Variants in SYT2 observed in about 807,000 individuals in gnomAD.
SYT2 encodes the protein synaptotagmin 2, also known as synaptotagmin-2.
A neutral mutation model predicts 39.9 loss-of-function variants in SYT2; 15 were observed. The ratio of observed to expected loss-of-function variants is 0.38; its 90% CI spans 0.25 to 0.58. The LOEUF (loss-of-function observed/expected upper bound fraction) is 0.58. Ranked by LOEUF, SYT2 falls within the 20% of genes least tolerant of loss-of-function variation. The pLI, the probability that SYT2 is intolerant of heterozygous loss-of-function variation, is 0.70. For missense variants in SYT2, 389 were observed against 530.3 expected (o/e 0.73, Z 2.62); for synonymous variants, 181 against 204.5 (o/e 0.89, Z 0.98).
intron 1 of SYT2, among the ~76,000 whole-genome samples, chr1:202,631,462 GC>G (rs1691590006): frequency 6.6e-6 from 1 of 152,110 alleles, no homozygotes; most frequent in Non-Finnish European, 1.5e-5. Flanking sequence ...TTTTTTTCTA[GC>G]AGCTTCTTGG....
intron 1 of SYT2, among the ~76,000 whole-genome samples, chr1:202,668,744 C>T (rs890941698): frequency 1.3e-5 from 2 of 152,186 alleles, no homozygotes; most frequent in African/African-American, 4.8e-5. Context: ...CACCAAGGGA[C>T]AGAGCTGGGA....
At chr1:202,705,610 G>A (rs1558468185) in intron 1 of SYT2, among the ~76,000 whole-genome samples, 1 of 152,096 alleles carries the variant, frequency 6.6e-6, no homozygotes, top group African/African-American at 2.4e-5. Flanking sequence ...GGGGCTTTCA[G>A]AATCTAACCT....
intron 1 of SYT2, among the ~76,000 whole-genome samples, chr1:202,670,316 T>C (rs1384971718): frequency 1.3e-5 from 2 of 152,174 alleles, no homozygotes; most frequent in African/African-American, 4.8e-5. Flanking sequence ...AGCATGGGAT[T>C]GCAGGATCAT....
chr1:202,633,111 T>G (rs1257603829), intron 1 of SYT2, among the ~76,000 whole-genome samples: 1 of 152,226 alleles, frequency 6.6e-6, no homozygotes, highest in Non-Finnish European at 1.5e-5. Flanking sequence ...ATTTGCAGAA[T>G]GCAGTGAATG....
chr1:202,657,261 C>T (rs937807980), intron 1 of SYT2, among the ~76,000 whole-genome samples: 4 of 152,214 alleles, frequency 2.6e-5, no homozygotes, highest in Non-Finnish European at 2.9e-5. Flanking sequence ...ACAAGAGCCA[C>T]GTTCACCACG....
In SYT2 at chr1:202,696,511, T is replaced by C. The variant is rs899567896; in HGVS notation, c.-18+13747A>G. On this transcript the variant is annotated intron_variant, in intron 1 of 8. Coordinates refer to ENST00000367268, the MANE Select transcript of SYT2 (RefSeq NM_177402.5). ...AATTGTAATTAAATAAACAATCGCA[T>C]GATTATTTTAATGTCTTGCTTCCCT... is the stretch of plus-strand genomic sequence containing the variant. 3.9e-5 allele frequency among the ~76,000 whole-genome samples: 6 copies of C among 152,254 alleles called. No homozygotes were observed. The South Asian group carries it at 1.2e-3, about 32-fold the overall frequency.
chr1:202,676,094 C>T (rs568208215), intron 1 of SYT2, among the ~76,000 whole-genome samples: 1 of 152,340 alleles, frequency 6.6e-6, no homozygotes, highest in East Asian at 1.9e-4. Context: ...GCCTTTCCAC[C>T]CCTGCAGCCA....
At chr1:202,619,433 A>AG (rs1187593565) in intron 1 of SYT2, among the ~76,000 whole-genome samples, 1 of 152,220 alleles carries the variant, frequency 6.6e-6, no homozygotes, top group Non-Finnish European at 1.5e-5. Context: ...CTGAAGAGGT[A>AG]GGGGTCTGGG....
intron 1 of SYT2, among the ~76,000 whole-genome samples, chr1:202,642,008 T>C (rs1169267802): frequency 6.6e-6 from 1 of 152,090 alleles, no homozygotes; most frequent in Non-Finnish European, 1.5e-5. Flanking sequence ...TCCCAGAGGA[T>C]AGGTCATTCT....
chr1:202,652,213 G>A lies in SYT2; in HGVS notation c.-17-46424C>T, dbSNP rs147495211. On this transcript the variant is annotated intron_variant, in intron 1 of 8. Transcript: ENST00000367268. ...TGCATCTGTTGAGGGAACAGCCATC[G>A]TCCCTTTGCCTTGGGTGAGTGGCAT... 5.0e-3 allele frequency among the ~76,000 whole-genome samples: 762 copies of A among 152,336 alleles called. 4 individuals are homozygous for A. Among genetic ancestry groups the A allele is most frequent in the Non-Finnish European group, 8.0e-3 (544 of 68,030 alleles).
intron 1 of SYT2, among the ~76,000 whole-genome samples, chr1:202,631,761 G>A (rs1691600196): frequency 6.6e-6 from 1 of 152,220 alleles, no homozygotes; most frequent in African/African-American, 2.4e-5. Flanking sequence ...GTCCCAGGAG[G>A]TAATGAGGGC....
At chr1:202,702,661 C>T (rs1572688626) in intron 1 of SYT2, among the ~76,000 whole-genome samples, 1 of 152,166 alleles carries the variant, frequency 6.6e-6, no homozygotes, top group African/African-American at 2.4e-5. Flanking sequence ...CTGGGTGGTC[C>T]CCTCTCCTCC....
At chr1:202,596,991 G>A in intron 8 of SYT2, 28 bp from the exon 9 acceptor site, 2 of 1,602,006 alleles carry the variant, frequency 1.2e-6, no homozygotes, top group South Asian at 1.1e-5. Flanking sequence ...GAGGGAGTTG[G>A]CAGACAGAGA....
Position 202,594,004 on chromosome 1 carries a change from G to C in SYT2, c.*2753C>G, listed in dbSNP as rs569023426. 1 of 152,384 alleles carries C rather than the reference G, an allele frequency of 6.6e-6. No individual in the cohort carries two copies. The highest frequency in any genetic ancestry group is 1.9e-4 in the East Asian group (1 of 5,174). The allele number at this position is 152,384 out of a possible 1,614,324, so 9.4% of individuals were successfully genotyped here. On this transcript the variant is annotated 3_prime_UTR_variant, in exon 9 of 9. Coordinates refer to ENST00000367268, the MANE Select transcript of SYT2 (RefSeq NM_177402.5). ...TTTGGCATGATGCCCTGTGGTTTAA[G>C]CTACGTCAGCCCTCAGGTATGGAAA... is the stretch of plus-strand genomic sequence containing the variant.
chr1:202,656,313 C>T (rs544238194), intron 1 of SYT2, among the ~76,000 whole-genome samples: 1 of 152,326 alleles, frequency 6.6e-6, no homozygotes, highest in East Asian at 1.9e-4. Context: ...AGAAATTTCC[C>T]GACTCCAGAT....
intron 1 of SYT2, among the ~76,000 whole-genome samples, chr1:202,639,007 T>G (rs1327976513): frequency 6.6e-6 from 1 of 152,210 alleles, no homozygotes; most frequent in East Asian, 1.9e-4. Context: ...TTTGGTCTGT[T>G]GTCTTTCTGT....
At chr1:202,613,224 G>A (rs1021092686) in intron 1 of SYT2, among the ~76,000 whole-genome samples, 2 of 151,938 alleles carry the variant, frequency 1.3e-5, no homozygotes, top group Non-Finnish European at 2.9e-5. Flanking sequence ...GGGATTATAG[G>A]CATGTGCCAC....
chr1:202,631,494 C>T lies in SYT2; in HGVS notation c.-17-25705G>A, dbSNP rs538258863. Reference sequence around the variant, plus strand: ...CTTGGCTCTTCCCAGCGGCCCCTCCCCCAAGCAAAGTCCCCTGAGAGGAAA... The same window carrying T: ...CTTGGCTCTTCCCAGCGGCCCCTCCTCCAAGCAAAGTCCCCTGAGAGGAAA... On this transcript the variant is annotated intron_variant, in intron 1 of 8. Coordinates refer to ENST00000367268, the MANE Select transcript of SYT2 (RefSeq NM_177402.5). Among the ~76,000 whole-genome samples, 15 of 152,222 alleles carry T rather than the reference C, an allele frequency of 9.9e-5. No individual in the cohort carries two copies. In the East Asian group the frequency reaches 2.9e-3, roughly 29 times the overall value.
intron 1 of SYT2, among the ~76,000 whole-genome samples, chr1:202,709,450 G>A (rs561698367): frequency 6.6e-6 from 1 of 152,324 alleles, no homozygotes; most frequent in African/African-American, 2.4e-5. Context: ...TAAAAGCCCT[G>A]TGCCCCAGAG....
Sources: gnomAD v4.1 joint callset for allele counts (sites outside exome capture counted in the v4.1 genomes callset) on GRCh38, gnomAD v4.1.1 for gene constraint, MANE v1.5 for transcripts, NCBI Gene and HGNC (gene_info 2026-07-23, HGNC 2026-07-21) for gene names.